Variants in FBH1 observed in about 807,000 individuals in gnomAD.
The protein encoded by FBH1 is DNA 3'-5' helicase 1.
FBH1 carries 43 observed loss-of-function variants against 115.5 expected under a neutral mutation model. That is an observed-to-expected ratio of 0.37 (90% CI 0.29 to 0.48). The LOEUF (loss-of-function observed/expected upper bound fraction) is 0.48. Among genes scored for constraint, FBH1 ranks in the 20% least tolerant of loss-of-function variants. The pLI is 0.99. For missense variants in FBH1, 1,001 were observed against 1,337.3 expected (o/e 0.75, Z 3.92); for synonymous variants, 524 against 507.8 (o/e 1.03, Z -0.43).
At position 5,936,535 on chromosome 10, in the gene FBH1, A is replaced by G. The variant is rs760096293; in HGVS notation, c.2909A>G (p.Asn970Ser). 7 of 1,614,200 alleles carry G rather than the reference A, an allele frequency of 4.3e-6. No individual in the cohort carries two copies. Among genetic ancestry groups the G allele is most frequent in the South Asian group, 1.1e-5 (1 of 91,082 alleles). Residue 970 changes from asparagine to serine, a missense_variant, in exon 20 of 21, where the codon AAT (asparagine) becomes AGT (serine). This residue lies in a region of FBH1 where 521 missense variants were observed against 811.0 expected (regional missense o/e 0.64). Coordinates refer to ENST00000362091, the MANE Select transcript of FBH1 (RefSeq NM_178150.3). The surrounding 1 kb of genome is among the most constrained non-coding windows in gnomAD (Gnocchi z 5.6). Reference sequence around the variant, plus strand: ...CGCTGCTGCGTGGGACAGTGCAACAATGCCATCCCTGTTGACACCGTCCTT... The same window carrying G: ...CGCTGCTGCGTGGGACAGTGCAACAGTGCCATCCCTGTTGACACCGTCCTT... The part of the protein sequence containing the change: ...VVRCCVGQCN[N>S]AIPVDTVLTM...
intron 1 of FBH1, among the ~76,000 whole-genome samples, chr10:5,901,021 C>G (rs1461880757): frequency 6.6e-6 from 1 of 151,922 alleles, no homozygotes; most frequent in African/African-American, 2.4e-5. Flanking sequence ...CACTTGAACC[C>G]AAGAGGTGAA....
rs146552020 is a variant in FBH1 at position 5,917,479 on chromosome 10, A to C, written c.1848A>C (p.Thr616=). The C allele has an allele frequency of 1.2e-6, 2 of 1,614,236 alleles. No individual in the cohort carries two copies. The highest frequency in any genetic ancestry group is 1.7e-6 in the Non-Finnish European group (2 of 1,180,030). ...WDNMRKLGEC[T]EEAHQMTHDG... ...ACATGCGGAAGCTGGGGGAGTGCAC[A>C]GAAGAGGCGCACCAGATGACTCATG... The change falls in exon 11 of 21, where the codon ACA becomes ACC. Residue 616 remains threonine, a synonymous_variant. Coordinates refer to ENST00000362091, the MANE Select transcript of FBH1 (RefSeq NM_178150.3). The surrounding 1 kb of genome is among the most constrained non-coding windows in gnomAD (Gnocchi z 5.6).
In FBH1 at chr10:5,931,269, A is replaced by G. The variant is rs1215564652; in HGVS notation, c.2829+3728A>G. 6.6e-6 allele frequency among the ~76,000 whole-genome samples: 1 copy of G among 152,226 alleles called. No homozygotes were observed. Among genetic ancestry groups the G allele is most frequent in the African/African-American group, 2.4e-5 (1 of 41,462 alleles). Reference sequence around the variant, plus strand: ...GATACGCATTACCTTGCTTTGTTGCACAACGGCACCTTTTTCTTTTTTCTT... The same window carrying G: ...GATACGCATTACCTTGCTTTGTTGCGCAACGGCACCTTTTTCTTTTTTCTT... On this transcript the variant is annotated intron_variant, in intron 19 of 20. Coordinates refer to ENST00000362091, the MANE Select transcript of FBH1 (RefSeq NM_178150.3). This position sits in a 1 kb window ranked among gnomAD's most constrained non-coding sequence, Gnocchi z 4.3.
intron 1 of FBH1, 126 bp from the exon 2 acceptor site, chr10:5,902,894 G>A (rs957790830): frequency 1.5e-5 from 12 of 801,126 alleles, no homozygotes; most frequent in Middle Eastern, 3.8e-4. Context: ...AGGGGGGAAC[G>A]GTTGGCTGGG....
At chr10:5,894,610 C>G in intron 1 of FBH1, 2 of 748,868 alleles carry the variant, frequency 2.7e-6, no homozygotes, top group Non-Finnish European at 5.0e-6. Context: ...AGCTGTAAAG[C>G]ACTTAGGAGC....
chr10:5,923,152 G>A lies in FBH1; in HGVS notation c.2323-469G>A, dbSNP rs1394346762. On this transcript the variant is annotated intron_variant, in intron 15 of 20. Coordinates refer to ENST00000362091, the MANE Select transcript of FBH1 (RefSeq NM_178150.3). The surrounding 1 kb of genome is among the most constrained non-coding windows in gnomAD (Gnocchi z 5.7). ...CCTGCCTCAGCCTCCCAAAGTGCTG[G>A]GATTACAGGCATGAGCCACTGCGCC... 6.6e-6 allele frequency among the ~76,000 whole-genome samples: 1 copy of A among 152,140 alleles called. No homozygotes were observed. The highest frequency in any genetic ancestry group is 1.5e-5 in the Non-Finnish European group (1 of 68,032).
At position 5,910,336 on chromosome 10, in the gene FBH1, G is replaced by A. The variant is rs1007474852; in HGVS notation, c.1021-602G>A. On this transcript the variant is annotated intron_variant, in intron 5 of 20. Transcript: ENST00000362091. This position sits in a 1 kb window ranked among gnomAD's most constrained non-coding sequence, Gnocchi z 4.8. ...CACTATTGACTGTTTCTGTGTAAGCGAACATTTACAGAGACATTGCTAAGA... is the reference window on the plus strand; with the variant it reads ...CACTATTGACTGTTTCTGTGTAAGCAAACATTTACAGAGACATTGCTAAGA... Among the ~76,000 whole-genome samples the A allele has an allele frequency of 6.6e-6, 1 of 151,788 alleles. No individual in the cohort carries two copies. Among genetic ancestry groups the A allele is most frequent in the African/African-American group, 2.4e-5 (1 of 41,294 alleles).
Position 5,936,801 on chromosome 10 carries a change from TG to T in FBH1, c.2961+217del. 1 of 647,404 alleles carries T rather than the reference TG, an allele frequency of 1.5e-6. No homozygotes were observed. 40.1% of individuals were successfully genotyped at this position (647,404 alleles called of 1,614,324 possible). A position where few individuals can be genotyped will look rare whatever the true frequency, so the allele number is the denominator to read the frequency against. Reference sequence around the variant, plus strand: ...CCTGGCTGTGCTGAAGCCGCAGGTCTGGGAGGCTGGGTTGTGATACACGCTT... The same window carrying T: ...CCTGGCTGTGCTGAAGCCGCAGGTCTGGAGGCTGGGTTGTGATACACGCTT... On this transcript the variant is annotated intron_variant, in intron 20 of 20. Coordinates refer to ENST00000362091, the MANE Select transcript of FBH1 (RefSeq NM_178150.3). The surrounding 1 kb of genome is among the most constrained non-coding windows in gnomAD (Gnocchi z 5.6).
rs1340976149 is a variant in FBH1 at position 5,921,915 on chromosome 10, G to A, written c.2322+346G>A. 1.3e-5 allele frequency among the ~76,000 whole-genome samples: 2 copies of A among 152,202 alleles called. No homozygotes were observed. Among genetic ancestry groups the A allele is most frequent in the Admixed American group, 6.5e-5 (1 of 15,280 alleles). ...GTGAGAACAGCTGAGCTGACAACAC[G>A]CAGAGTACACACCTAGGCTCTAGTT... On this transcript the variant is annotated intron_variant, in intron 15 of 20. Transcript: ENST00000362091. This position sits in a 1 kb window ranked among gnomAD's most constrained non-coding sequence, Gnocchi z 6.4.
At chr10:5,894,621 T>C in intron 1 of FBH1, 1 of 735,626 alleles carries the variant, frequency 1.4e-6, no homozygotes, top group Non-Finnish European at 2.5e-6. Flanking sequence ...ACTTAGGAGC[T>C]CTGGGAGAGT....
chr10:5,895,255 T>C lies in FBH1; in HGVS notation c.1+4909T>C, dbSNP rs555171151. The C allele has an allele frequency of 6.6e-6, 10 of 1,525,048 alleles. No individual in the cohort carries two copies. The East Asian group carries it at 2.3e-4, about 36-fold the overall frequency. 94.5% of individuals were successfully genotyped at this position (1,525,048 alleles called of 1,614,324 possible). A position where few individuals can be genotyped will look rare whatever the true frequency, so the allele number is the denominator to read the frequency against. On this transcript the variant is annotated intron_variant, in intron 1 of 20. Transcript: ENST00000362091. This position sits in a 1 kb window ranked among gnomAD's most constrained non-coding sequence, Gnocchi z 5.0. ...CCAAAATTGTCCAGATTAGCAAAAC[T>C]GCCCTCTGTGGATCTTTGTTAAAGT...
rs1022640592 is a variant in FBH1 at position 5,937,130 on chromosome 10, G to A, written c.2982G>A (p.Lys994=). ...CACAGAGCAACAGGAAGGAAAACAA[G>A]GGGGGCTACCTCTGCCACTCCTGTG... ...PITYSNRKEN[K]GGYLCHSCAE... Residue 994 remains lysine, a synonymous_variant, in exon 21 of 21, where the codon AAG becomes AAA. Coordinates refer to ENST00000362091, the MANE Select transcript of FBH1 (RefSeq NM_178150.3). The A allele has an allele frequency of 5.0e-6, 8 of 1,607,668 alleles. No individual in the cohort carries two copies. Among genetic ancestry groups the A allele is most frequent in the Non-Finnish European group, 5.1e-6 (6 of 1,176,504 alleles).
Position 5,890,289 on chromosome 10 carries a change from C to T in FBH1, c.-57C>T, listed in dbSNP as rs914311263. On this transcript the variant is annotated 5_prime_UTR_variant, in exon 1 of 21. Transcript: ENST00000362091. ...CGCTGCCGGGGGACGCTGGGCTGAG[C>T]GGCCGGCGGCGCGGGCCCGGCGGCG... 2.2e-5 allele frequency: 8 copies of T among 371,018 alleles called. No homozygotes were observed. The highest frequency in any genetic ancestry group is 3.0e-5 in the Non-Finnish European group (6 of 199,064). 23.0% of individuals were successfully genotyped at this position (371,018 alleles called of 1,614,324 possible).
At position 5,921,286 on chromosome 10, in the gene FBH1, A is replaced by T. The variant is rs780167645; in HGVS notation, c.2129A>T (p.Tyr710Phe). Residue 710 changes from tyrosine to phenylalanine, a missense_variant, in exon 14 of 21, where the codon TAT becomes TTT. Physicochemically the swap from Tyr to Phe is conservative, Grantham distance 22. Coordinates refer to ENST00000362091, the MANE Select transcript of FBH1 (RefSeq NM_178150.3). This position sits in a 1 kb window ranked among gnomAD's most constrained non-coding sequence, Gnocchi z 6.4. ...QSFRFGVEIA[Y>F]VGATILDVCK... ...TTTCGGTTTGGTGTGGAAATAGCTT[A>T]TGTGGGAGCTACTATCTTGGATGTT... The T allele has an allele frequency of 6.2e-7, 1 of 1,614,204 alleles. No individual in the cohort carries two copies. The highest frequency in any genetic ancestry group is 1.7e-5 in the Admixed American group (1 of 60,028).
chr10:5,924,554 A>G lies in FBH1; in HGVS notation c.2596+46A>G, dbSNP rs367954148. 9.6e-6 allele frequency: 15 copies of G among 1,564,204 alleles called. No homozygotes were observed. The African/African-American group carries it at 1.9e-4, about 20-fold the overall frequency. On this transcript the variant is annotated intron_variant, in intron 17 of 20. Transcript: ENST00000362091. The surrounding 1 kb of genome is among the most constrained non-coding windows in gnomAD (Gnocchi z 6.2). The stretch of plus-strand genomic sequence containing the variant: ...TTACCTTCCCCCTAAGAGGAGGAAC[A>G]GATGGTCTTCTGCTGTTCTTTTTTT...
At chr10:5,904,587 A>G (rs145601811) in intron 2 of FBH1, among the ~76,000 whole-genome samples, 1 of 152,194 alleles carries the variant, frequency 6.6e-6, no homozygotes, top group Non-Finnish European at 1.5e-5. Context: ...TGGGAGCAGT[A>G]GCTCATGCCT....
Position 5,911,184 on chromosome 10 carries a change from C to T in FBH1, c.1211+56C>T, listed in dbSNP as rs1831566235. 20 of 1,529,836 alleles carry T rather than the reference C, an allele frequency of 1.3e-5. No individual in the cohort carries two copies. The highest frequency in any genetic ancestry group is 4.6e-5 in the East Asian group (2 of 43,826). 94.8% of individuals were successfully genotyped at this position (1,529,836 alleles called of 1,614,324 possible). ...TGTGATAATGGGAGAGTCCCAGACA[C>T]AGCAGCAGGTCCAGCCCTGCCACTT... On this transcript the variant is annotated intron_variant, in intron 6 of 20. Transcript: ENST00000362091. This position sits in a 1 kb window ranked among gnomAD's most constrained non-coding sequence, Gnocchi z 5.4.
In FBH1 at chr10:5,921,505, A is replaced by T; in HGVS notation, c.2258A>T (p.Asn753Ile). 1 of 1,601,168 alleles carries T rather than the reference A, an allele frequency of 6.2e-7. No homozygotes were observed. The highest frequency in any genetic ancestry group is 8.5e-7 in the Non-Finnish European group (1 of 1,176,932). Residue 753 changes from asparagine (N) to isoleucine (I), a missense_variant, in exon 15 of 21, where the codon AAC (asparagine) becomes ATC (isoleucine). Transcript: ENST00000362091. This position sits in a 1 kb window ranked among gnomAD's most constrained non-coding sequence, Gnocchi z 6.4. ...GCCTTGTTGTCCCGGACCAACGCCA[A>T]CGTGTTTGATGAGGCCGTACGGGTG... is the stretch of plus-strand genomic sequence containing the variant. ...QVALLSRTNA[N>I]VFDEAVRVTE...
intron 13 of FBH1, among the ~76,000 whole-genome samples, chr10:5,919,113 C>T (rs1008899645): frequency 6.6e-6 from 1 of 152,188 alleles, no homozygotes; most frequent in African/African-American, 2.4e-5. Flanking sequence ...AAAAATGGAA[C>T]ATGGTGCCAC....
Sources: allele counts gnomAD v4.1 joint callset (sites outside exome capture counted in the v4.1 genomes callset), GRCh38; gene constraint gnomAD v4.1.1; regional missense constraint gnomAD v4.1.1; non-coding constraint Gnocchi (gnomAD v3.1); transcripts MANE v1.5; gene names NCBI Gene and HGNC (gene_info 2026-07-23, HGNC 2026-07-21).